The following RASGRF2 variants were observed in gnomAD, a reference collection of about 807,000 sequenced individuals.
RASGRF2 encodes Ras protein specific guanine nucleotide releasing factor 2.
RASGRF2 carries 76 observed loss-of-function variants against 151.0 expected under a neutral mutation model. That is an observed-to-expected ratio of 0.50 (90% CI 0.42 to 0.61). The LOEUF is 0.61. RASGRF2 is among the 20% of genes least tolerant of loss of function. The pLI is 0.00. For synonymous variants in RASGRF2, 504 were observed against 566.5 expected, an observed-to-expected ratio of 0.89 and a Z score of 1.57; for missense variants, 1,148 against 1,564.6, an observed-to-expected ratio of 0.73 and a Z score of 4.49.
At chr5:81,123,263 G>C (rs894401294) in intron 15 of RASGRF2, among the ~76,000 whole-genome samples, 5 of 152,144 alleles carry the variant, frequency 3.3e-5, no homozygotes, top group Admixed American at 6.5e-5. Context: ...CAAAGAACTG[G>C]TGAAGTTCCG....
intron 1 of RASGRF2, among the ~76,000 whole-genome samples, chr5:80,968,876 G>A (rs1747811003): frequency 6.6e-6 from 1 of 151,810 alleles, no homozygotes; most frequent in African/African-American, 2.4e-5. Flanking sequence ...TGGAGATGGG[G>A]TCTCCCTGTG....
chr5:81,072,620 A>AT (rs1180266741), intron 4 of RASGRF2, among the ~76,000 whole-genome samples: 3 of 152,186 alleles, frequency 2.0e-5, no homozygotes, highest in Non-Finnish European at 2.9e-5. Context: ...AGGACTTTAG[A>AT]TTTTTTTGTT....
chr5:81,091,714 T>C (rs752718084), intron 9 of RASGRF2, among the ~76,000 whole-genome samples: 15 of 152,202 alleles, frequency 9.9e-5, no homozygotes, highest in Non-Finnish European at 1.6e-4. Flanking sequence ...TAGTGGTCTT[T>C]TTCTGCTTAT....
At chr5:81,216,878 C>G in intron 24 of RASGRF2, 1 of 410,242 alleles carries the variant, frequency 2.4e-6, no homozygotes, top group Non-Finnish European at 4.9e-6. Flanking sequence ...TAAGTCTACA[C>G]TTTCTAAAAC....
At chr5:81,168,334 A>C (rs1754563868) in intron 17 of RASGRF2, among the ~76,000 whole-genome samples, 1 of 135,296 alleles carries the variant, frequency 7.4e-6, no homozygotes, top group Non-Finnish European at 1.6e-5. Context: ...TTTTTAAGAC[A>C]GAGTCTGGCT....
At chr5:81,077,422 C>A (rs1561595767) in intron 5 of RASGRF2, among the ~76,000 whole-genome samples, 1 of 152,130 alleles carries the variant, frequency 6.6e-6, no homozygotes, top group Admixed American at 6.5e-5. Flanking sequence ...GAGAAAAGAG[C>A]AACTGTGAGC....
At chr5:81,046,958 A>G (rs1394057939) in intron 2 of RASGRF2, among the ~76,000 whole-genome samples, 2 of 152,118 alleles carry the variant, frequency 1.3e-5, no homozygotes, top group Non-Finnish European at 2.9e-5. Context: ...CTAGACTATG[A>G]CATTTGGGAA....
At chr5:81,217,248 G>A (rs1465412189) in intron 24 of RASGRF2, 108 bp from the exon 25 acceptor site, 1 of 1,446,540 alleles carries the variant, frequency 6.9e-7, no homozygotes, top group African/African-American at 1.4e-5. Context: ...AAAAGGTTTT[G>A]CTCTTCAGTA....
intron 6 of RASGRF2, 74 bp downstream of exon 6, chr5:81,080,274 A>G (rs1042233794): frequency 1.2e-5 from 19 of 1,558,476 alleles, no homozygotes; most frequent in Admixed American, 4.4e-5. Context: ...CTCCAACATT[A>G]TTCAGCCTAA....
At chr5:80,969,864 T>C (rs1418548894) in intron 1 of RASGRF2, among the ~76,000 whole-genome samples, 1 of 145,800 alleles carries the variant, frequency 6.9e-6, no homozygotes, top group Non-Finnish European at 1.5e-5. Flanking sequence ...TTTGCTCTTG[T>C]TGCCCAGGCT....
intron 13 of RASGRF2, among the ~76,000 whole-genome samples, chr5:81,110,928 G>A (rs894765482): frequency 3.9e-5 from 6 of 152,150 alleles, no homozygotes; most frequent in Non-Finnish European, 5.9e-5. Context: ...AAGCTAACGG[G>A]CCACCCCAGT....
chr5:81,016,956 CAACT>C, intron 1 of RASGRF2, among the ~76,000 whole-genome samples: 2 of 152,272 alleles, frequency 1.3e-5, no homozygotes, highest in South Asian at 2.1e-4. Context: ...AAAAACAAAA[CAACT>C]AACAACCACC....
chr5:81,112,551 G>A (rs1303474018), intron 13 of RASGRF2, 59 bp from the exon 14 acceptor site: 2 of 1,603,998 alleles, frequency 1.2e-6, no homozygotes, highest in African/African-American at 2.7e-5. Flanking sequence ...GAAATATTCA[G>A]TGGCCGAGGG....
chr5:81,051,010 G>A (rs1750992090), intron 2 of RASGRF2, among the ~76,000 whole-genome samples: 2 of 152,090 alleles, frequency 1.3e-5, no homozygotes, highest in South Asian at 4.1e-4. Flanking sequence ...AGTATAATAA[G>A]CATTTTCTTG....
chr5:81,138,091 A>C (rs866848119), intron 17 of RASGRF2, among the ~76,000 whole-genome samples: 4 of 152,076 alleles, frequency 2.6e-5, no homozygotes, highest in South Asian at 2.1e-4. Flanking sequence ...ACTCCTTCTC[A>C]GAGAGAATCT....
At chr5:81,218,888 T>G (rs1755800784) in intron 25 of RASGRF2, among the ~76,000 whole-genome samples, 1 of 152,192 alleles carries the variant, frequency 6.6e-6, no homozygotes, top group Non-Finnish European at 1.5e-5. Flanking sequence ...CAGTGTTTTG[T>G]AATTTTCACC....
At chr5:81,020,138 C>G (rs1749778312) in intron 1 of RASGRF2, among the ~76,000 whole-genome samples, 1 of 152,110 alleles carries the variant, frequency 6.6e-6, no homozygotes, top group Admixed American at 6.5e-5. Context: ...TTTGCATTTC[C>G]TAGAGGTATT....
chr5:81,053,148 T>C (rs894946648), intron 2 of RASGRF2, among the ~76,000 whole-genome samples: 4 of 152,280 alleles, frequency 2.6e-5, no homozygotes, highest in African/African-American at 9.6e-5. Flanking sequence ...AATTATACTT[T>C]AAGTTCTAGG....
At chr5:81,165,192 G>A (rs986430036) in intron 17 of RASGRF2, among the ~76,000 whole-genome samples, 3 of 152,146 alleles carry the variant, frequency 2.0e-5, no homozygotes, top group African/African-American at 7.2e-5. Context: ...TTGTGGTTAC[G>A]GACCCTGGGG....
Sources: allele counts gnomAD v4.1 joint callset (sites outside exome capture counted in the v4.1 genomes callset), GRCh38; gene constraint gnomAD v4.1.1; transcripts MANE v1.5; gene names NCBI Gene and HGNC (gene_info 2026-07-23, HGNC 2026-07-21).